Variants in ENPP1 observed in about 807,000 individuals in gnomAD.
ENPP1 encodes the protein ectonucleotide pyrophosphatase/phosphodiesterase 1, also known as ectonucleotide pyrophosphatase/phosphodiesterase family member 1.
A neutral mutation model predicts 122.8 loss-of-function variants in ENPP1; 73 were observed. The observed-to-expected ratio is 0.59, with a 90% CI of 0.49 to 0.72. ENPP1 has a LOEUF of 0.72. ENPP1 is among the 30% of genes least tolerant of loss of function. The pLI is 0.00. For missense variants in ENPP1, 978 were observed against 1,128.1 expected, an observed-to-expected ratio of 0.87 and a Z score of 1.91; for synonymous variants, 367 against 391.6, an observed-to-expected ratio of 0.94 and a Z score of 0.74.
chr6:131,864,417 C>A, intron 9 of ENPP1, 89 bp from the exon 10 acceptor site: 1 of 819,278 alleles, frequency 1.2e-6, no homozygotes, highest in Non-Finnish European at 2.1e-6. Flanking sequence ...CATTTAGTAG[C>A]TCTTAATGAC....
At chr6:131,879,777 C>T in intron 19 of ENPP1, 103 bp from the exon 20 acceptor site, 1 of 1,065,472 alleles carries the variant, frequency 9.4e-7, no homozygotes, top group South Asian at 1.4e-5. Flanking sequence ...AAAAGTAAAT[C>T]TTCAATATAA....
intron 1 of ENPP1, among the ~76,000 whole-genome samples, chr6:131,835,001 C>A (rs1781658067): frequency 6.6e-6 from 1 of 152,164 alleles, no homozygotes; most frequent in South Asian, 2.1e-4. Flanking sequence ...TAGTCCAACT[C>A]TTTTTGTTTA....
At chr6:131,856,251 AT>A (rs1562521585) in intron 6 of ENPP1, among the ~76,000 whole-genome samples, 1 of 151,838 alleles carries the variant, frequency 6.6e-6, no homozygotes, top group African/African-American at 2.4e-5. Context: ...GATGATGAGC[AT>A]TTTTTCATGT....
rs78559603 is a variant in ENPP1, at chr6:131,872,897, T to C, written c.1438-26T>C. ...TTTTTAGATATTAGGGAAATAATAG[T>C]TTTTCTTTGCTGTTTGCAATTTCAG... On this transcript the variant is annotated intron_variant, in intron 14 of 24. Coordinates refer to ENST00000647893, the MANE Select transcript of ENPP1 (RefSeq NM_006208.3). 1,590 of 1,612,578 alleles carry C rather than the reference T, an allele frequency of 9.9e-4. 13 individuals carry two copies. In the African/African-American group the frequency reaches 0.019, roughly 19 times the overall value.
intron 19 of ENPP1, 130 bp from the exon 20 acceptor site, chr6:131,879,750 C>A: frequency 1.2e-6 from 1 of 800,032 alleles, no homozygotes; most frequent in Non-Finnish European, 2.1e-6. Context: ...CCTTTGTAAT[C>A]AGTTTTTTTA....
chr6:131,834,723 A>G (rs1008374270), intron 1 of ENPP1, among the ~76,000 whole-genome samples: 4 of 130,750 alleles, frequency 3.1e-5, no homozygotes, highest in African/African-American at 1.0e-4. Context: ...TTTAGTAGAG[A>G]CGGGGTTTCA....
chr6:131,890,227 T>C (rs1782449497), intron 24 of ENPP1, 114 bp from the exon 25 acceptor site: 14 of 847,908 alleles, frequency 1.7e-5, no homozygotes, highest in South Asian at 1.6e-4. Flanking sequence ...ATGTGGCACG[T>C]TCCACTTCAG....
intron 1 of ENPP1, among the ~76,000 whole-genome samples, chr6:131,829,939 A>T (rs577679494): frequency 6.6e-6 from 1 of 152,188 alleles, no homozygotes; most frequent in East Asian, 1.9e-4. Flanking sequence ...TCCTGGTCTG[A>T]TGCTTGGAGT....
At chr6:131,887,189 A>G (rs1372397335) in intron 24 of ENPP1, among the ~76,000 whole-genome samples, 1 of 152,022 alleles carries the variant, frequency 6.6e-6, no homozygotes, top group African/African-American at 2.4e-5. Flanking sequence ...ATAATTTCAA[A>G]GTGTCAGCAC....
intron 6 of ENPP1, among the ~76,000 whole-genome samples, chr6:131,857,177 T>C (rs1436147630): frequency 6.0e-5 from 9 of 150,596 alleles, no homozygotes; most frequent in Admixed American, 2.0e-4. Context: ...TGTGGAGAAA[T>C]AGGAACACTT....
Position 131,883,693 on chromosome 6 carries a change from G to T in ENPP1, c.2231-1G>T, listed in dbSNP as rs939872799. The T allele has an allele frequency of 7.5e-7, 1 of 1,332,148 alleles. No individual in the cohort carries two copies. Among genetic ancestry groups the T allele is most frequent in the South Asian group, 1.2e-5 (1 of 84,692 alleles). The allele number at this position is 1,332,148 out of a possible 1,614,324, so 82.5% of individuals were successfully genotyped here. On this transcript the variant is annotated splice_acceptor_variant, in intron 21 of 24. Coordinates refer to ENST00000647893, the MANE Select transcript of ENPP1 (RefSeq NM_006208.3). LOFTEE classifies it high-confidence loss of function. Reference sequence around the variant, plus strand: ...AAAGTTGTCCTCTTTTCTCTTTGTAGAACTAAATAAAAATTCAAGTGGAAT... The same window carrying T: ...AAAGTTGTCCTCTTTTCTCTTTGTATAACTAAATAAAAATTCAAGTGGAAT...
At chr6:131,887,566 T>A (rs1423020435) in intron 24 of ENPP1, among the ~76,000 whole-genome samples, 1 of 143,980 alleles carries the variant, frequency 6.9e-6, no homozygotes, top group East Asian at 2.1e-4. Context: ...CTAATTTTTT[T>A]TTTTTTTTTT....
At chr6:131,865,481 C>G (rs539070629) in intron 11 of ENPP1, among the ~76,000 whole-genome samples, 1 of 152,346 alleles carries the variant, frequency 6.6e-6, no homozygotes, top group East Asian at 1.9e-4. Context: ...AGCTCATGGA[C>G]TAACACTTTC....
intron 1 of ENPP1, among the ~76,000 whole-genome samples, chr6:131,843,381 G>A (rs56063683): frequency 1.3e-5 from 2 of 152,252 alleles, no homozygotes; most frequent in African/African-American, 2.4e-5. Context: ...TAATAATGAA[G>A]AGGTGATTTT....
chr6:131,828,422 C>A, intron 1 of ENPP1: 2 of 321,388 alleles, frequency 6.2e-6, no homozygotes, highest in Non-Finnish European at 1.2e-5. Flanking sequence ...ATGACTTTCC[C>A]TTGTAGGAGG....
chr6:131,856,440 A>G (rs1231857807), intron 6 of ENPP1, among the ~76,000 whole-genome samples: 1 of 146,512 alleles, frequency 6.8e-6, no homozygotes. Context: ...TTTGTAGGTT[A>G]CCTGTTCACT....
chr6:131,818,647 C>CAA (rs148192397), intron 1 of ENPP1, among the ~76,000 whole-genome samples: 1 of 143,552 alleles, frequency 7.0e-6, no homozygotes, highest in African/African-American at 2.6e-5. Context: ...GACTCTGTCT[C>CAA]AAAAAAAAAA....
intron 19 of ENPP1, among the ~76,000 whole-genome samples, 176 bp from the exon 20 acceptor site, chr6:131,879,704 A>T (rs1193127182): frequency 6.6e-6 from 1 of 152,200 alleles, no homozygotes; most frequent in African/African-American, 2.4e-5. Context: ...AATAACAGTG[A>T]ACCTCACTTG....
At chr6:131,880,978 A>G (rs1562184454) in intron 20 of ENPP1, among the ~76,000 whole-genome samples, 1 of 151,984 alleles carries the variant, frequency 6.6e-6, no homozygotes, top group African/African-American at 2.4e-5. Context: ...GGTGAAGGAG[A>G]TGGTGCTGGA....
Sources: allele counts gnomAD v4.1 joint callset (sites outside exome capture counted in the v4.1 genomes callset), GRCh38; gene constraint gnomAD v4.1.1; transcripts MANE v1.5; gene names NCBI Gene and HGNC (gene_info 2026-07-23, HGNC 2026-07-21).